Variants in CAPN3 observed in about 807,000 individuals in gnomAD.
CAPN3 encodes the protein calpain 3.
In CAPN3, 88 loss-of-function variants were observed where a neutral mutation model predicts 114.0. That is an observed-to-expected ratio of 0.77 (90% confidence interval 0.65 to 0.92). The LOEUF (loss-of-function observed/expected upper bound fraction) is 0.92. Among genes scored for constraint, CAPN3 ranks in the 40% least tolerant of loss-of-function variants. CAPN3 has a pLI of 0.00. For missense variants in CAPN3, 1,028 were observed against 1,069.0 expected, an observed-to-expected ratio of 0.96 and a Z score of 0.53; for synonymous variants, 386 against 382.9, an observed-to-expected ratio of 1.01 and a Z score of -0.09.
intron 13 of CAPN3, 82 bp from the exon 14 acceptor site, chr15:42,403,659 C>T: frequency 7.6e-7 from 1 of 1,315,692 alleles, no homozygotes; most frequent in Non-Finnish European, 1.1e-6. Context: ...TGCCAGGAAG[C>T]CGTGCACCAG....
chr15:42,411,406 G>A (rs374586868), intron 23 of CAPN3, 61 bp downstream of exon 23: 34 of 1,434,088 alleles, frequency 2.4e-5, no homozygotes, highest in African/African-American at 1.4e-4. Context: ...AGGGGTCAAC[G>A]GGGCGGACTG....
At chr15:42,369,057 T>C (rs1011925634) in intron 1 of CAPN3, among the ~76,000 whole-genome samples, 1 of 152,230 alleles carries the variant, frequency 6.6e-6, no homozygotes, top group Non-Finnish European at 1.5e-5. Flanking sequence ...GAGTACTCTC[T>C]CTTACAGACT....
intron 10 of CAPN3, 47 bp downstream of exon 10, chr15:42,399,699 C>G: frequency 6.6e-7 from 1 of 1,514,252 alleles, no homozygotes; most frequent in Non-Finnish European, 9.0e-7. Flanking sequence ...GAAAAAGTTC[C>G]AGGCAGAAGA....
intron 16 of CAPN3, 68 bp from the exon 17 acceptor site, chr15:42,409,235 A>T: frequency 6.7e-7 from 1 of 1,493,092 alleles, no homozygotes; most frequent in Non-Finnish European, 9.3e-7. Flanking sequence ...CTTGGCCCAG[A>T]GGAGCTTGCC....
At chr15:42,382,216 T>G (rs889677870) in intron 1 of CAPN3, among the ~76,000 whole-genome samples, 1 of 152,190 alleles carries the variant, frequency 6.6e-6, no homozygotes, top group African/African-American at 2.4e-5. Context: ...CAATGTTTTT[T>G]TTTTTCTTTG....
At chr15:42,390,662 T>C (rs943599322) in intron 6 of CAPN3, among the ~76,000 whole-genome samples, 4 of 152,148 alleles carry the variant, frequency 2.6e-5, no homozygotes, top group African/African-American at 9.7e-5. Context: ...ACTCTTAACA[T>C]CTAGTATATG....
intron 14 of CAPN3, 57 bp downstream of exon 14, chr15:42,403,834 G>A: frequency 6.8e-7 from 1 of 1,465,550 alleles, no homozygotes; most frequent in South Asian, 1.1e-5. Flanking sequence ...CCCTGACCAT[G>A]CAGGGGACAG....
rs2054208271 is a variant in CAPN3 at position 42,411,014 on chromosome 15, G to C, written c.2380+14G>C. ...AGGGCATGTTCAGTAAGTGGGAGAG[G>C]GGGGCTGCCCTCTGCTCTCTTGCAG... On this transcript the variant is annotated intron_variant, in intron 22 of 23. Transcript: ENST00000397163. 1.3e-6 allele frequency: 2 copies of C among 1,586,750 alleles called. No homozygotes were observed. Among genetic ancestry groups the C allele is most frequent in the Non-Finnish European group, 1.7e-6 (2 of 1,154,988 alleles).
intron 2 of CAPN3, chr15:42,385,881 C>T (rs1179442818): frequency 1.6e-6 from 1 of 637,646 alleles, no homozygotes; most frequent in East Asian, 3.5e-5. Context: ...CCATTGAGGC[C>T]TAAAAAGGAA....
intron 1 of CAPN3, among the ~76,000 whole-genome samples, chr15:42,362,926 C>T (rs968785320): frequency 6.6e-6 from 1 of 152,174 alleles, no homozygotes; most frequent in Admixed American, 6.5e-5. Flanking sequence ...TAAAGGCCTT[C>T]CTGCTTTTAC....
Position 42,401,806 on chromosome 15 carries a change from A to G in CAPN3, c.1520A>G (p.Tyr507Cys), listed in dbSNP as rs771068557. 2 of 1,612,972 alleles carry G rather than the reference A, an allele frequency of 1.2e-6. No individual in the cohort carries two copies. Among genetic ancestry groups the G allele is most frequent in the Admixed American group, 3.3e-5 (2 of 59,804 alleles). Residue 507 changes from tyrosine to cysteine, a missense_variant, in exon 11 of 24, where the codon TAC (tyrosine) becomes TGC (cysteine). Tyr to Cys is a radical substitution (Grantham distance 194). Coordinates refer to ENST00000397163, the MANE Select transcript of CAPN3 (RefSeq NM_000070.3). ...CTCTTCACCATTGGCTTCGCCATCT[A>G]CGAGGTGTGCAGTCCTGATTGGCTC... ...ASLFTIGFAIYEVPKEMHGNK... is the reference protein window; with the variant it reads ...ASLFTIGFAICEVPKEMHGNK...
chr15:42,385,001 C>A (rs1195953206), intron 2 of CAPN3, among the ~76,000 whole-genome samples: 1 of 152,236 alleles, frequency 6.6e-6, no homozygotes, highest in Admixed American at 6.5e-5. Context: ...AGCATAGCTC[C>A]ATCTTAAAAG....
At chr15:42,396,690 G>A in intron 8 of CAPN3, 110 bp from the exon 9 acceptor site, 1 of 814,674 alleles carries the variant, frequency 1.2e-6, no homozygotes, top group Non-Finnish European at 2.1e-6. Context: ...TCAGCATTTT[G>A]GTAGTTCACA....
chr15:42,367,817 C>T (rs2052827144), intron 1 of CAPN3, among the ~76,000 whole-genome samples: 1 of 152,156 alleles, frequency 6.6e-6, no homozygotes, highest in African/African-American at 2.4e-5. Context: ...GTAACCCTCC[C>T]TATTTTTTTC....
intron 1 of CAPN3, among the ~76,000 whole-genome samples, chr15:42,379,023 T>G (rs1192471051): frequency 6.6e-6 from 1 of 152,148 alleles, no homozygotes; most frequent in Admixed American, 6.6e-5. Context: ...TCTATTCTTT[T>G]AAATTGGTTG....
intron 16 of CAPN3, 149 bp from the exon 17 acceptor site, chr15:42,409,154 G>T: frequency 1.4e-6 from 1 of 709,820 alleles, no homozygotes. Context: ...TCTCACTCCA[G>T]CTCACCAGGT....
chr15:42,387,032 C>G (rs572375724), intron 3 of CAPN3, among the ~76,000 whole-genome samples: 1 of 152,254 alleles, frequency 6.6e-6, no homozygotes, highest in African/African-American at 2.4e-5. Context: ...AAAGGTCTGT[C>G]TCCAGGCTCA....
At chr15:42,410,285 T>C in intron 19 of CAPN3, 143 bp from the exon 20 acceptor site, 1 of 849,800 alleles carries the variant, frequency 1.2e-6, no homozygotes, top group Non-Finnish European at 2.0e-6. Context: ...GTAGGCGCAA[T>C]CTCTGACTGG....
chr15:42,387,314 T>TCTTCAGTTTGATG (rs2053431491), intron 3 of CAPN3, among the ~76,000 whole-genome samples: 1 of 152,244 alleles, frequency 6.6e-6, no homozygotes, highest in Non-Finnish European at 1.5e-5. Context: ...CAATCCTTGT[T>TCTTCAGTTTGATG]CTTCAGTTTG....
Sources: gnomAD v4.1 joint callset for allele counts (sites outside exome capture counted in the v4.1 genomes callset) on GRCh38, gnomAD v4.1.1 for gene constraint, MANE v1.5 for transcripts, NCBI Gene and HGNC (gene_info 2026-07-23, HGNC 2026-07-21) for gene names.